Variants in VPS13B observed in about 807,000 individuals in gnomAD.
The protein encoded by VPS13B is vacuolar protein sorting 13 homolog B, also known as intermembrane lipid transfer protein VPS13B.
A neutral mutation model predicts 426.4 loss-of-function variants in VPS13B; 285 were observed. That is an observed-to-expected ratio of 0.67 (90% CI 0.61 to 0.74). The LOEUF is 0.74. Ranked by LOEUF, VPS13B falls within the 30% of genes least tolerant of loss-of-function variation. The pLI is 0.00. For missense variants in VPS13B, 4,537 were observed against 4,782.6 expected, an observed-to-expected ratio of 0.95 and a Z score of 1.51; for synonymous variants, 1,676 against 1,676.4, an observed-to-expected ratio of 1.00 and a Z score of 0.01.
chr8:99,303,001 C>G (rs559911281), intron 19 of VPS13B, among the ~76,000 whole-genome samples: 1 of 151,006 alleles, frequency 6.6e-6, no homozygotes, highest in Non-Finnish European at 1.5e-5. Flanking sequence ...TTAGAAGGGC[C>G]GGGTGTGGTG....
At chr8:99,515,922 T>C (rs1486065671) in intron 29 of VPS13B, among the ~76,000 whole-genome samples, 1 of 152,304 alleles carries the variant, frequency 6.6e-6, no homozygotes, top group Non-Finnish European at 1.5e-5. Flanking sequence ...ACATTTTTTG[T>C]GTATTAATCC....
intron 33 of VPS13B, among the ~76,000 whole-genome samples, chr8:99,631,352 G>C (rs762918276): frequency 2.0e-5 from 3 of 152,040 alleles, no homozygotes; most frequent in South Asian, 4.1e-4. Flanking sequence ...TCTAATCATA[G>C]CCTTCCTTTG....
At chr8:99,658,134 A>C (rs1261856165) in intron 34 of VPS13B, among the ~76,000 whole-genome samples, 1 of 152,242 alleles carries the variant, frequency 6.6e-6, no homozygotes, top group African/African-American at 2.4e-5. Context: ...AAAATGCTTT[A>C]AGAAACTATA....
intron 17 of VPS13B, among the ~76,000 whole-genome samples, chr8:99,266,612 G>A (rs887811261): frequency 6.6e-6 from 1 of 152,064 alleles, no homozygotes; most frequent in Non-Finnish European, 1.5e-5. Flanking sequence ...GAATCATGGG[G>A]GGTGGTTACC....
intron 30 of VPS13B, among the ~76,000 whole-genome samples, chr8:99,554,362 T>G (rs1022647044): frequency 6.6e-6 from 1 of 152,130 alleles, no homozygotes; most frequent in African/African-American, 2.4e-5. Context: ...GGAAATAGGT[T>G]AGGCCATCAA....
chr8:99,631,228 T>C (rs1182641308), intron 33 of VPS13B, among the ~76,000 whole-genome samples: 2 of 152,150 alleles, frequency 1.3e-5, no homozygotes, highest in East Asian at 3.9e-4. Flanking sequence ...AATTTGTGTC[T>C]CATTCAATTG....
At chr8:99,816,294 G>A (rs180839042) in intron 44 of VPS13B, among the ~76,000 whole-genome samples, 2 of 152,116 alleles carry the variant, frequency 1.3e-5, no homozygotes, top group East Asian at 3.9e-4. Context: ...TAGAGACAGG[G>A]TTTCTCCATG....
intron 16 of VPS13B, among the ~76,000 whole-genome samples, chr8:99,186,416 A>C (rs527870517): frequency 9.2e-5 from 14 of 152,240 alleles, no homozygotes; most frequent in Admixed American, 7.9e-4. Context: ...TTGATCTTTA[A>C]AAAATTTTTT....
At chr8:99,662,506 G>A (rs747891739) in intron 35 of VPS13B, among the ~76,000 whole-genome samples, 7 of 151,718 alleles carry the variant, frequency 4.6e-5, no homozygotes, top group Non-Finnish European at 8.8e-5. Flanking sequence ...AAGTACAGTC[G>A]TGCAATCATA....
chr8:99,789,449 C>G (rs1421903094), intron 43 of VPS13B, among the ~76,000 whole-genome samples: 4 of 152,064 alleles, frequency 2.6e-5, no homozygotes, highest in Non-Finnish European at 4.4e-5. Context: ...AATGAATAGA[C>G]ACTATTACAC....
At position 99,135,669 on chromosome 8, in the gene VPS13B, A is replaced by G; in HGVS notation, c.1499A>G (p.Asp500Gly). The G allele has an allele frequency of 1.9e-6, 3 of 1,613,450 alleles. No individual in the cohort carries two copies. The highest frequency in any genetic ancestry group is 2.5e-6 in the Non-Finnish European group (3 of 1,179,530). Residue 500 changes from aspartate to glycine, a missense_variant, in exon 11 of 62, where the codon GAT (aspartate) becomes GGT (glycine). Around this residue, in one of 2 missense-constraint regions of VPS13B, gnomAD observed 4,311 missense variants for 4,474.3 expected, o/e 0.96. Coordinates refer to ENST00000357162, the MANE Select transcript of VPS13B (RefSeq NM_152564.5). Reference sequence around the variant, plus strand: ...ACATACCTTACAAATTCATTGTTTGATTACCGAAGCCCAGAAAATAATGGT... The same window carrying G: ...ACATACCTTACAAATTCATTGTTTGGTTACCGAAGCCCAGAAAATAATGGT... ...GFTYLTNSLF[D>G]YRSPENNGTR...
At chr8:99,267,482 C>G (rs1818366056) in intron 17 of VPS13B, among the ~76,000 whole-genome samples, 2 of 152,102 alleles carry the variant, frequency 1.3e-5, no homozygotes, top group South Asian at 4.1e-4. Context: ...GTATTCCCAG[C>G]ACTTTGGGAG....
At chr8:99,783,089 T>C (rs1812095920) in intron 42 of VPS13B, among the ~76,000 whole-genome samples, 1 of 152,118 alleles carries the variant, frequency 6.6e-6, no homozygotes, top group African/African-American at 2.4e-5. Flanking sequence ...TAGGAGTAGA[T>C]TCTGTTTCCC....
At chr8:99,053,218 C>T (rs1361062704) in intron 3 of VPS13B, among the ~76,000 whole-genome samples, 1 of 151,736 alleles carries the variant, frequency 6.6e-6, no homozygotes, top group Non-Finnish European at 1.5e-5. Flanking sequence ...TATACATGTG[C>T]CATGTTTGTG....
At chr8:99,706,934 C>T (rs1227215758) in intron 36 of VPS13B, among the ~76,000 whole-genome samples, 1 of 152,110 alleles carries the variant, frequency 6.6e-6, no homozygotes, top group African/African-American at 2.4e-5. Context: ...GCCCGCTTGT[C>T]CATATAAGCC....
At chr8:99,610,686 T>C (rs1827808340) in intron 33 of VPS13B, among the ~76,000 whole-genome samples, 1 of 152,080 alleles carries the variant, frequency 6.6e-6, no homozygotes. Flanking sequence ...TGTATACCTA[T>C]ATAACAAACC....
intron 2 of VPS13B, among the ~76,000 whole-genome samples, chr8:99,015,663 G>A (rs1841575711): frequency 6.6e-6 from 1 of 151,846 alleles, no homozygotes. Context: ...CAGCACTTTG[G>A]GAGGCCAAAG....
intron 3 of VPS13B, among the ~76,000 whole-genome samples, chr8:99,071,250 T>C (rs574416682): frequency 1.3e-5 from 2 of 152,264 alleles, no homozygotes; most frequent in South Asian, 2.1e-4. Flanking sequence ...ACTTTCCAAG[T>C]GTCTAAAGGG....
intron 30 of VPS13B, among the ~76,000 whole-genome samples, chr8:99,531,338 A>ACCAT (rs1475371518): frequency 6.6e-6 from 1 of 152,212 alleles, no homozygotes; most frequent in Admixed American, 6.5e-5. Context: ...ATGAGCTCTG[A>ACCAT]GATGAGTAAT....
Sources: allele counts gnomAD v4.1 joint callset (sites outside exome capture counted in the v4.1 genomes callset), GRCh38; gene constraint gnomAD v4.1.1; regional missense constraint gnomAD v4.1.1; transcripts MANE v1.5; gene names NCBI Gene and HGNC (gene_info 2026-07-23, HGNC 2026-07-21).